Variants in C11orf54 observed in about 807,000 individuals in gnomAD.
C11orf54 encodes the protein beta-keto L-gulonate decarboxylase.
Under a neutral mutation model 35.5 loss-of-function variants are expected in C11orf54, and 29 were observed. The ratio of observed to expected loss-of-function variants is 0.82; its 90% confidence interval spans 0.61 to 1.11. The LOEUF is 1.11. C11orf54 is among the 50% of genes most tolerant of loss of function. The pLI is 0.00. For missense variants in C11orf54, 373 were observed against 369.2 expected (o/e 1.01, Z -0.08); for synonymous variants, 108 against 121.1 (o/e 0.89, Z 0.71).
In C11orf54 at chr11:93,753,557, A is replaced by G. The variant is rs113679573; in HGVS notation, c.155-125A>G. ...GGGGTTCTAGCCACTATGTCTTCCA[A>G]TCCCTGTTATTTGTAAAACTTTATG... On this transcript the variant is annotated intron_variant, in intron 3 of 8. Coordinates refer to ENST00000354421, the MANE Select transcript of C11orf54 (RefSeq NM_001286069.2). 9.4e-4 allele frequency: 734 copies of G among 779,324 alleles called. 4 individuals are homozygous for G. The African/African-American group carries it at 0.012, about 12-fold the overall frequency. 48.3% of individuals were successfully genotyped at this position (779,324 alleles called of 1,614,324 possible). A position where few individuals can be genotyped will look rare whatever the true frequency, so the allele number is the denominator to read the frequency against.
chr11:93,754,464 G>T (rs193004219), intron 5 of C11orf54, among the ~76,000 whole-genome samples: 51 of 152,062 alleles, frequency 3.4e-4, no homozygotes, highest in African/African-American at 1.2e-3. Flanking sequence ...ATAGTATGAT[G>T]GTTATTTATG....
Position 93,747,286 on chromosome 11 carries a change from T to A in C11orf54, c.-97-11T>A. On this transcript the variant is annotated splice_polypyrimidine_tract_variant and intron_variant, in intron 1 of 8. Transcript: ENST00000354421. ...TGTTTATATGTTTGAATGCTCAATG[T>A]TCATTTCCAGAACAGAAACTGTTCA... 1 of 788,346 alleles carries A rather than the reference T, an allele frequency of 1.3e-6. No individual in the cohort carries two copies. Among genetic ancestry groups the A allele is most frequent in the Non-Finnish European group, 2.0e-6 (1 of 511,260 alleles). 48.8% of individuals were successfully genotyped at this position (788,346 alleles called of 1,614,324 possible).
rs76402643 is a variant in C11orf54 at position 93,763,591 on chromosome 11, A to G, written c.*1903A>G. On this transcript the variant is annotated 3_prime_UTR_variant, in exon 9 of 9. Coordinates refer to ENST00000354421, the MANE Select transcript of C11orf54 (RefSeq NM_001286069.2). ...GAGACCCCCATCTCTGCAAAAAAAG[A>G]AAAAAAATTTTTTAATTATCTGGGC... The G allele has an allele frequency of 6.6e-6, 1 of 152,158 alleles. No homozygotes were observed. Among genetic ancestry groups the G allele is most frequent in the Non-Finnish European group, 1.5e-5 (1 of 68,062 alleles). The allele number at this position is 152,158 out of a possible 1,614,324, so 9.4% of individuals were successfully genotyped here. A position where few individuals can be genotyped will look rare whatever the true frequency, so the allele number is the denominator to read the frequency against.
intron 1 of C11orf54, chr11:93,746,986 T>A (rs1412054537): frequency 4.0e-5 from 6 of 150,974 alleles, no homozygotes; most frequent in African/African-American, 1.2e-4. Context: ...ATATGATATT[T>A]AAAAAAAAAA....
At chr11:93,742,651 T>C (rs1942173196) in intron 1 of C11orf54, 1 of 152,270 alleles carries the variant, frequency 6.6e-6, no homozygotes, top group African/African-American at 2.4e-5. Context: ...TCTTATTTTA[T>C]AGTTCACATT....
chr11:93,755,442 T>C, intron 6 of C11orf54, 56 bp downstream of exon 6: 1 of 1,562,140 alleles, frequency 6.4e-7, no homozygotes, highest in Non-Finnish European at 8.8e-7. Context: ...AAGCTAAAAA[T>C]GTGAACTTTT....
At chr11:93,749,422 G>A (rs767236028) in intron 2 of C11orf54, among the ~76,000 whole-genome samples, 21 of 149,278 alleles carry the variant, frequency 1.4e-4, no homozygotes, top group African/African-American at 2.0e-4. Flanking sequence ...TCAAGGCTGA[G>A]TGAGCCAAGA....
At chr11:93,759,435 TTG>T (rs1943339239) in intron 7 of C11orf54, among the ~76,000 whole-genome samples, 1 of 151,936 alleles carries the variant, frequency 6.6e-6, no homozygotes, top group African/African-American at 2.4e-5. Flanking sequence ...CATAAGTGGG[TTG>T]TTGAACAATG....
chr11:93,761,620 TTCTTACC>T lies in C11orf54; in HGVS notation c.882_888del (p.Phe294LeufsTer36). The stretch of plus-strand genomic sequence containing the variant: ...AGATATAGTGGAATATCTTGGATAC[TTCTTACC>T]TGCAGAGTTTCTCTATCGCATTGAT... On this transcript the variant is annotated frameshift_variant, in exon 9 of 9. Transcript: ENST00000354421. LOFTEE classifies it high-confidence loss of function. 1 of 1,613,506 alleles carries T rather than the reference TTCTTACC, an allele frequency of 6.2e-7. No homozygotes were observed. The highest frequency in any genetic ancestry group is 8.5e-7 in the Non-Finnish European group (1 of 1,179,722).
intron 3 of C11orf54, among the ~76,000 whole-genome samples, chr11:93,753,212 G>A (rs1432434097): frequency 6.6e-6 from 1 of 152,032 alleles, no homozygotes; most frequent in Admixed American, 6.6e-5. Context: ...CCTGACTTCA[G>A]GTGATCCACC....
rs1225641315 is a variant in C11orf54, at chr11:93,762,178, GTATCT to G, written c.*494_*498del. On this transcript the variant is annotated 3_prime_UTR_variant, in exon 9 of 9. Coordinates refer to ENST00000354421, the MANE Select transcript of C11orf54 (RefSeq NM_001286069.2). ...AATTATTTCTACTATGTATTTAGTA[GTATCT>G]TATATTTGTATAACATTATTACATT... The G allele has an allele frequency of 1.3e-5, 2 of 151,980 alleles. No individual in the cohort carries two copies. The highest frequency in any genetic ancestry group is 2.4e-5 in the African/African-American group (1 of 41,360). 9.4% of individuals were successfully genotyped at this position (151,980 alleles called of 1,614,324 possible). A position where few individuals can be genotyped will look rare whatever the true frequency, so the allele number is the denominator to read the frequency against.
rs1305383282 is a variant in C11orf54, at chr11:93,747,265, T to G, written c.-97-32T>G. ...AACCTAAATGCCCTTTTGTTCTGTT[T>G]ATATGTTTGAATGCTCAATGTTCAT... On this transcript the variant is annotated intron_variant, in intron 1 of 8. Coordinates refer to ENST00000354421, the MANE Select transcript of C11orf54 (RefSeq NM_001286069.2). 3 of 588,450 alleles carry G rather than the reference T, an allele frequency of 5.1e-6. No homozygotes were observed. The African/African-American group carries it at 5.8e-5, about 11-fold the overall frequency. 36.5% of individuals were successfully genotyped at this position (588,450 alleles called of 1,614,324 possible). A position where few individuals can be genotyped will look rare whatever the true frequency, so the allele number is the denominator to read the frequency against.
At chr11:93,746,119 A>G (rs1235106182) in intron 1 of C11orf54, 1 of 152,254 alleles carries the variant, frequency 6.6e-6, no homozygotes, top group East Asian at 1.9e-4. Context: ...CAATAGAATG[A>G]TTATAGAGGA....
chr11:93,745,216 CT>C, intron 1 of C11orf54, among the ~76,000 whole-genome samples: 1 of 152,276 alleles, frequency 6.6e-6, no homozygotes, highest in East Asian at 1.9e-4. Context: ...TTTACTAATC[CT>C]TCTCAGCACA....
intron 7 of C11orf54, among the ~76,000 whole-genome samples, chr11:93,757,943 A>T (rs972156905): frequency 1.6e-4 from 25 of 152,236 alleles, no homozygotes; most frequent in Non-Finnish European, 3.5e-4. Context: ...TTTATAAATC[A>T]GATTGTAAGA....
chr11:93,749,346 G>A (rs1942679545), intron 2 of C11orf54, among the ~76,000 whole-genome samples: 1 of 151,732 alleles, frequency 6.6e-6, no homozygotes, highest in African/African-American at 2.4e-5. Context: ...GCCAATCATG[G>A]TGGCATCCAC....
intron 1 of C11orf54, among the ~76,000 whole-genome samples, chr11:93,745,523 G>A (rs1942415274): frequency 6.6e-6 from 1 of 152,162 alleles, no homozygotes; most frequent in Admixed American, 6.5e-5. Context: ...GCACAGGGTT[G>A]GGGCTAAAGT....
intron 6 of C11orf54, among the ~76,000 whole-genome samples, chr11:93,756,546 G>A (rs931620959): frequency 2.0e-5 from 3 of 151,038 alleles, no homozygotes. Flanking sequence ...GAACTAAAAG[G>A]TAATAGAATA....
Position 93,761,788 on chromosome 11 carries a change from G to T in C11orf54, c.*100G>T. On this transcript the variant is annotated 3_prime_UTR_variant, in exon 9 of 9. Transcript: ENST00000354421. The stretch of plus-strand genomic sequence containing the variant: ...TAAAACCAATAGAAATGATCCCACA[G>T]GCCAGGCACAATGGCTCATGCCTAT... 8.4e-7 allele frequency: 1 copy of T among 1,195,570 alleles called. No homozygotes were observed. The highest frequency in any genetic ancestry group is 1.1e-6 in the Non-Finnish European group (1 of 894,234). The allele number at this position is 1,195,570 out of a possible 1,614,324, so 74.1% of individuals were successfully genotyped here.
Sources: allele counts gnomAD v4.1 joint callset (sites outside exome capture counted in the v4.1 genomes callset), GRCh38; gene constraint gnomAD v4.1.1; transcripts MANE v1.5; gene names NCBI Gene and HGNC (gene_info 2026-07-23, HGNC 2026-07-21).